Variants in ARID2 observed in about 807,000 individuals in gnomAD.
The protein encoded by ARID2 is AT-rich interactive domain-containing protein 2.
A neutral mutation model predicts 184.6 loss-of-function variants in ARID2; 32 were observed. The ratio of observed to expected loss-of-function variants is 0.17; its 90% CI spans 0.13 to 0.23. The LOEUF (loss-of-function observed/expected upper bound fraction) is 0.23, where lower values mean the gene tolerates loss of function less well. Among genes scored for constraint, ARID2 ranks in the 10% least tolerant of loss-of-function variants. The probability of loss-of-function intolerance (pLI) is 1.00; values close to 1 mark genes in which losing one functional copy is unlikely to be tolerated. For synonymous variants in ARID2, 836 were observed against 772.6 expected (o/e 1.08, Z -1.36); for missense variants, 1,696 against 2,197.6 (o/e 0.77, Z 4.56).
Position 45,847,247 on chromosome 12 carries a change from G to A in ARID2, c.1580+310G>A, listed in dbSNP as rs190614350. ...TATCTTTCACTTTGTAGAAAGTACA[G>A]TTTGTCAGGTTACAAAATTTGTTCT... On this transcript the variant is annotated intron_variant, in intron 12 of 20. Transcript: ENST00000334344. 1.3e-3 allele frequency among the ~76,000 whole-genome samples: 197 copies of A among 152,122 alleles called. 2 individuals are homozygous for A. The highest frequency in any genetic ancestry group is 2.4e-3 in the Non-Finnish European group (160 of 67,912).
rs553281041 is a variant in ARID2 at position 45,749,541 on chromosome 12, A to C, written c.284+18227A>C. 6.6e-5 allele frequency among the ~76,000 whole-genome samples: 10 copies of C among 152,332 alleles called. No individual in the cohort carries two copies. In the South Asian group the frequency reaches 1.4e-3, roughly 22 times the overall value. On this transcript the variant is annotated intron_variant, in intron 3 of 20. Transcript: ENST00000334344. ...ACAAAAGAGTCAGCTTTTCCCTTGA[A>C]GCTTTGAAGCCAGGCATTGACTTTT...
intron 15 of ARID2, among the ~76,000 whole-genome samples, chr12:45,856,114 G>T (rs1255291411): frequency 9.0e-6 from 1 of 111,716 alleles, no homozygotes; most frequent in African/African-American, 3.5e-5. Flanking sequence ...TCGCTCTGTT[G>T]CGTAGGCTGG....
chr12:45,826,644 C>T (rs1239564378), intron 6 of ARID2, among the ~76,000 whole-genome samples: 1 of 151,952 alleles, frequency 6.6e-6, no homozygotes, highest in Admixed American at 6.6e-5. Flanking sequence ...GTCTCAAACT[C>T]CTGTTCTCAA....
chr12:45,854,418 A>T (rs1156628903), intron 15 of ARID2, among the ~76,000 whole-genome samples: 5 of 152,158 alleles, frequency 3.3e-5, no homozygotes, highest in African/African-American at 1.2e-4. Flanking sequence ...GCTTTGAGGG[A>T]TGTTATATAC....
At chr12:45,811,620 A>T (rs1420687695) in intron 4 of ARID2, 69 bp downstream of exon 4, 2 of 1,547,202 alleles carry the variant, frequency 1.3e-6, no homozygotes, top group Non-Finnish European at 8.8e-7. Context: ...ACATCATCCA[A>T]TGAGTTAGTC....
chr12:45,764,319 GT>G (rs796922673), intron 3 of ARID2, among the ~76,000 whole-genome samples: 1 of 151,650 alleles, frequency 6.6e-6, no homozygotes, highest in Non-Finnish European at 1.5e-5. Flanking sequence ...TGTTGGAGTT[GT>G]TTTTTTTGCT....
intron 3 of ARID2, among the ~76,000 whole-genome samples, chr12:45,761,772 C>T (rs976945709): frequency 4.0e-5 from 6 of 151,694 alleles, no homozygotes; most frequent in African/African-American, 1.5e-4. Flanking sequence ...ATTGTGAATT[C>T]TGCAAAATTC....
rs564577032 is a variant in ARID2, at chr12:45,850,462, C to A, written c.2339C>A (p.Pro780Gln). 1 of 1,614,002 alleles carries A rather than the reference C, an allele frequency of 6.2e-7. No individual in the cohort carries two copies. Among genetic ancestry groups the A allele is most frequent in the Admixed American group, 1.7e-5 (1 of 59,980 alleles). The change falls in exon 15 of 21, where the codon CCA becomes CAA. Residue 780 changes from proline (P) to glutamine (Q), a missense_variant. By Grantham distance (76) the Pro-to-Gln change is moderately conservative (BLOSUM62 -1). This residue lies in a region of ARID2 where 713 missense variants were observed against 824.4 expected (regional missense o/e 0.86). Coordinates refer to ENST00000334344, the MANE Select transcript of ARID2 (RefSeq NM_152641.4). ...CAGTCTCCATTACACACAGTGGTAC[C>A]AGGACAGATCCCTTCAGGCACTCCT... Reference protein sequence around the residue: ...PQQSPLHTVVPGQIPSGTPVT... With the variant: ...PQQSPLHTVVQGQIPSGTPVT...
At chr12:45,734,470 T>C (rs955925170) in intron 3 of ARID2, among the ~76,000 whole-genome samples, 2 of 152,174 alleles carry the variant, frequency 1.3e-5, no homozygotes, top group East Asian at 1.9e-4. Flanking sequence ...TCTTGGCATG[T>C]ACATCTCAAT....
chr12:45,790,797 G>C (rs1340258279), intron 3 of ARID2, among the ~76,000 whole-genome samples: 3 of 152,118 alleles, frequency 2.0e-5, no homozygotes, highest in African/African-American at 7.2e-5. Context: ...AGGCATCTTT[G>C]TGGTGTTTCA....
intron 3 of ARID2, among the ~76,000 whole-genome samples, chr12:45,778,507 A>G (rs1372570374): frequency 1.3e-5 from 2 of 152,162 alleles, no homozygotes; most frequent in Non-Finnish European, 2.9e-5. Context: ...AGAGAGAAGT[A>G]ATAAAAGACT....
chr12:45,764,649 G>A (rs917444559), intron 3 of ARID2, among the ~76,000 whole-genome samples: 1 of 152,112 alleles, frequency 6.6e-6, no homozygotes, highest in Non-Finnish European at 1.5e-5. Context: ...CTTTTTCTTA[G>A]TACAGTACAT....
intron 3 of ARID2, among the ~76,000 whole-genome samples, chr12:45,760,881 C>T (rs1941664657): frequency 1.3e-5 from 2 of 151,140 alleles, no homozygotes; most frequent in African/African-American, 2.4e-5. Flanking sequence ...TAGTTTTTAG[C>T]GATAGGGTCT....
chr12:45,864,471 T>TA (rs1943802243), intron 16 of ARID2, among the ~76,000 whole-genome samples: 1 of 152,124 alleles, frequency 6.6e-6, no homozygotes, highest in South Asian at 2.1e-4. Context: ...TTTAATCTGT[T>TA]AGATTACCCC....
At chr12:45,761,859 C>A (rs1335599322) in intron 3 of ARID2, among the ~76,000 whole-genome samples, 2 of 152,204 alleles carry the variant, frequency 1.3e-5, no homozygotes, top group East Asian at 3.9e-4. Flanking sequence ...TACACTAATA[C>A]TACTTTCCCC....
At chr12:45,767,442 G>A (rs1941793602) in intron 3 of ARID2, among the ~76,000 whole-genome samples, 1 of 151,228 alleles carries the variant, frequency 6.6e-6, no homozygotes, top group Admixed American at 6.6e-5. Flanking sequence ...ATGGTTACTT[G>A]GAAATAAAAA....
Position 45,811,407 on chromosome 12 carries a change from T to C in ARID2, c.285-11T>C, listed in dbSNP as rs1555148592. 7 of 1,607,856 alleles carry C rather than the reference T, an allele frequency of 4.4e-6. No individual in the cohort carries two copies. The highest frequency in any genetic ancestry group is 2.2e-5 in the South Asian group (2 of 89,874). ...TTTTTAAATGTTTGCTGTGCTGTTT[T>C]TCTGTTTCAGTTACCTAGAAAAGTA... On this transcript the variant is annotated splice_polypyrimidine_tract_variant and intron_variant, in intron 3 of 20. Transcript: ENST00000334344.
At position 45,855,149 on chromosome 12, in the gene ARID2, C is replaced by G. The variant is rs182292967; in HGVS notation, c.4773+2253C>G. ...ATTTTAGGACATTATTGCTAAAACT[C>G]ATTGGTTATTTGAGCTGTGGTGTTA... On this transcript the variant is annotated intron_variant, in intron 15 of 20. Transcript: ENST00000334344. Among the ~76,000 whole-genome samples, 15 of 152,198 alleles carry G rather than the reference C, an allele frequency of 9.9e-5. 1 individual carries two copies. Among genetic ancestry groups the G allele is most frequent in the Admixed American group, 9.8e-4 (15 of 15,272 alleles).
rs1472490068 is a variant in ARID2 at position 45,839,424 on chromosome 12, C to G, written c.1426C>G (p.Gln476Glu). 1 of 1,614,108 alleles carries G rather than the reference C, an allele frequency of 6.2e-7. No homozygotes were observed. The highest frequency in any genetic ancestry group is 1.1e-5 in the South Asian group (1 of 91,072). ...CATTGAACACCCAAGTTCCAGTCAT[C>G]AAATGTTATCTGAAATTAGGCCACA... is the stretch of plus-strand genomic sequence containing the variant. ...KLIEHPSSSHQMLSEIRPQAI... is the reference protein window; with the variant it reads ...KLIEHPSSSHEMLSEIRPQAI... Residue 476 changes from glutamine to glutamate, a missense_variant, in exon 11 of 21, where the codon CAA (glutamine) becomes GAA (glutamate). By Grantham distance (29) the Gln-to-Glu change is conservative (BLOSUM62 2). This residue lies in a region of ARID2 where 713 missense variants were observed against 824.4 expected (regional missense o/e 0.86). Coordinates refer to ENST00000334344, the MANE Select transcript of ARID2 (RefSeq NM_152641.4).
Sources: allele counts gnomAD v4.1 joint callset (sites outside exome capture counted in the v4.1 genomes callset), GRCh38; gene constraint gnomAD v4.1.1; regional missense constraint gnomAD v4.1.1; transcripts MANE v1.5; gene names NCBI Gene and HGNC (gene_info 2026-07-23, HGNC 2026-07-21).